C6orf163: variants seen among roughly 807,000 people sequenced by gnomAD.
C6orf163 encodes uncharacterized protein C6orf163.
Under a neutral mutation model 28.4 loss-of-function variants are expected in C6orf163, and 22 were observed. The observed-to-expected ratio is 0.78, with a 90% confidence interval of 0.55 to 1.11. The LOEUF (loss-of-function observed/expected upper bound fraction) is 1.11, where lower values mean the gene tolerates loss of function less well. Ranked by LOEUF, C6orf163 falls within the 50% of genes least tolerant of loss-of-function variation. The probability of loss-of-function intolerance (pLI) is 0.00; values close to 1 mark genes in which losing one functional copy is unlikely to be tolerated. For synonymous variants in C6orf163, 110 were observed against 123.6 expected (o/e 0.89, Z 0.73); for missense variants, 342 against 389.1 (o/e 0.88, Z 1.02).
chr6:87,362,952 C>T (rs1184648918), intron 4 of C6orf163, among the ~76,000 whole-genome samples: 2 of 152,192 alleles, frequency 1.3e-5, no homozygotes, highest in Non-Finnish European at 2.9e-5. Context: ...TGGCTAAGAG[C>T]TTTTGCCCTG....
At chr6:87,364,757 G>A (rs1321149662) in intron 4 of C6orf163, among the ~76,000 whole-genome samples, 2 of 152,160 alleles carry the variant, frequency 1.3e-5, no homozygotes, top group African/African-American at 4.8e-5. Flanking sequence ...GCCCACAGCA[G>A]GGAAGTACAT....
At chr6:87,363,531 G>A (rs1777608205) in intron 4 of C6orf163, among the ~76,000 whole-genome samples, 1 of 150,960 alleles carries the variant, frequency 6.6e-6, no homozygotes, top group Admixed American at 6.6e-5. Flanking sequence ...AGAGTGTGAT[G>A]TTCCCCTTCC....
intron 3 of C6orf163, among the ~76,000 whole-genome samples, chr6:87,351,139 G>A (rs1208557160): frequency 6.6e-6 from 1 of 152,196 alleles, no homozygotes; most frequent in Non-Finnish European, 1.5e-5. Context: ...AAACTTTCAG[G>A]TGGAGACCCT....
intron 4 of C6orf163, among the ~76,000 whole-genome samples, chr6:87,362,345 T>A (rs1008852118): frequency 6.6e-6 from 1 of 151,920 alleles, no homozygotes; most frequent in Non-Finnish European, 1.5e-5. Flanking sequence ...TGTGTGGGGG[T>A]GCACACTTGT....
At chr6:87,353,888 G>T (rs1777457410) in intron 3 of C6orf163, among the ~76,000 whole-genome samples, 1 of 152,170 alleles carries the variant, frequency 6.6e-6, no homozygotes, top group African/African-American at 2.4e-5. Flanking sequence ...GAGTCTCTCT[G>T]TAGCCCACGC....
At chr6:87,360,796 G>A (rs987370541) in intron 4 of C6orf163, among the ~76,000 whole-genome samples, 3 of 152,154 alleles carry the variant, frequency 2.0e-5, no homozygotes, top group East Asian at 3.8e-4. Context: ...AGTTTCGTCT[G>A]TATTACCCAC....
intron 1 of C6orf163, among the ~76,000 whole-genome samples, chr6:87,346,486 C>T (rs1777325920): frequency 1.3e-5 from 2 of 152,266 alleles, no homozygotes; most frequent in South Asian, 2.1e-4. Context: ...CTAACCCAAA[C>T]CTTAAGTGGA....
intron 2 of C6orf163, 48 bp from the exon 3 acceptor site, chr6:87,350,346 G>A (rs1054827658): frequency 8.4e-7 from 1 of 1,192,278 alleles, no homozygotes. Flanking sequence ...AAGTTTGCTT[G>A]TGCTTATTCT....
At chr6:87,363,375 T>A (rs1777605581) in intron 4 of C6orf163, among the ~76,000 whole-genome samples, 1 of 152,088 alleles carries the variant, frequency 6.6e-6, no homozygotes. Flanking sequence ...CTTAAAGTTT[T>A]AGGGTACATG....
At chr6:87,345,945 A>G (rs1322376110) in intron 1 of C6orf163, among the ~76,000 whole-genome samples, 1 of 150,810 alleles carries the variant, frequency 6.6e-6, no homozygotes, top group Non-Finnish European at 1.5e-5. Context: ...AAAAAATTTT[A>G]AAGTACCCTA....
intron 4 of C6orf163, chr6:87,356,824 A>G (rs1184891608): frequency 8.2e-6 from 2 of 243,474 alleles, no homozygotes; most frequent in African/African-American, 4.4e-5. Flanking sequence ...CTCTCTAAAT[A>G]TGGTATTTTT....
chr6:87,356,535 A>C, intron 4 of C6orf163, 32 bp downstream of exon 4: 2 of 1,537,900 alleles, frequency 1.3e-6, no homozygotes, highest in Non-Finnish European at 1.8e-6. Context: ...CAAATTAGTA[A>C]CTTCCTTTAT....
intron 3 of C6orf163, among the ~76,000 whole-genome samples, chr6:87,353,650 A>C (rs1304053965): frequency 1.3e-5 from 2 of 152,132 alleles, no homozygotes; most frequent in African/African-American, 4.8e-5. Flanking sequence ...CTCAACCACC[A>C]CCCAGCAGTC....
At chr6:87,345,573 G>GGC (rs1426282456) in intron 1 of C6orf163, among the ~76,000 whole-genome samples, 1 of 151,976 alleles carries the variant, frequency 6.6e-6, no homozygotes, top group Non-Finnish European at 1.5e-5. Context: ...TTTTGCCCTT[G>GGC]GCCATACTTG....
At chr6:87,354,779 T>C (rs1375454094) in intron 3 of C6orf163, among the ~76,000 whole-genome samples, 1 of 152,242 alleles carries the variant, frequency 6.6e-6, no homozygotes, top group Non-Finnish European at 1.5e-5. Flanking sequence ...ATGAAAAAGC[T>C]GAAAGGTTTG....
At position 87,351,494 on chromosome 6, in the gene C6orf163, G is replaced by A. The variant is rs143495713; in HGVS notation, c.351+993G>A. 4.7e-3 allele frequency among the ~76,000 whole-genome samples: 709 copies of A among 152,338 alleles called. 5 individuals are homozygous for A. The highest frequency in any genetic ancestry group is 0.016 in the African/African-American group (662 of 41,578). The stretch of plus-strand genomic sequence containing the variant: ...GGAGCTCCTCCCCATGAGTCCTGAA[G>A]GCTAGTGGGATGCTCCCTGCTTCGC... On this transcript the variant is annotated intron_variant, in intron 3 of 4. Transcript: ENST00000388923.
rs183472693 is a variant in C6orf163 at position 87,361,151 on chromosome 6, C to T, written c.555-3810C>T. Among the ~76,000 whole-genome samples, 257 of 151,990 alleles carry T rather than the reference C, an allele frequency of 1.7e-3. 1 individual carries two copies. Among genetic ancestry groups the T allele is most frequent in the African/African-American group, 5.9e-3 (243 of 41,442 alleles). On this transcript the variant is annotated intron_variant, in intron 4 of 4. Coordinates refer to ENST00000388923, the MANE Select transcript of C6orf163 (RefSeq NM_001010868.3). Reference sequence around the variant, plus strand: ...AATACAAAAATTAGCTGGGCATGGTCGCACATGCCTGTAGTCTCAGCTATT... The same window carrying T: ...AATACAAAAATTAGCTGGGCATGGTTGCACATGCCTGTAGTCTCAGCTATT...
chr6:87,357,379 T>G (rs2127933974), intron 4 of C6orf163: 1 of 152,296 alleles, frequency 6.6e-6, no homozygotes, highest in South Asian at 2.1e-4. Flanking sequence ...GACCTCCCTA[T>G]TTGGCCTCCT....
At chr6:87,347,069 T>C (rs1315938168) in intron 1 of C6orf163, among the ~76,000 whole-genome samples, 1 of 152,186 alleles carries the variant, frequency 6.6e-6, no homozygotes, top group Non-Finnish European at 1.5e-5. Context: ...AATCACAACA[T>C]GGAGCTGTTC....
Sources: gnomAD v4.1 joint callset for allele counts (sites outside exome capture counted in the v4.1 genomes callset) on GRCh38, gnomAD v4.1.1 for gene constraint, MANE v1.5 for transcripts, NCBI Gene and HGNC (gene_info 2026-07-23, HGNC 2026-07-21) for gene names.